Variants in NRG1 observed in about 807,000 individuals in gnomAD.
NRG1 encodes the protein neuregulin 1, also known as pro-neuregulin-1, membrane-bound isoform.
In NRG1, 18 loss-of-function variants were observed where a neutral mutation model predicts 63.8. The ratio of observed to expected loss-of-function variants is 0.28; its 90% CI spans 0.19 to 0.42. The LOEUF (loss-of-function observed/expected upper bound fraction) is 0.42, where lower values mean the gene tolerates loss of function less well. NRG1 is among the 10% of genes least tolerant of loss of function. The pLI is 1.00. For synonymous variants in NRG1, 302 were observed against 301.3 expected (o/e 1.00, Z -0.02); for missense variants, 762 against 814.7 (o/e 0.94, Z 0.79).
At chr8:31,651,761 C>T (rs918715096) in intron 1 of NRG1, among the ~76,000 whole-genome samples, 2 of 151,970 alleles carry the variant, frequency 1.3e-5, no homozygotes, top group Non-Finnish European at 2.9e-5. Flanking sequence ...GCAGGATGGG[C>T]AGGGCTTAGC....
At chr8:32,385,736 C>T (rs1358573647) in intron 1 of NRG1, among the ~76,000 whole-genome samples, 1 of 152,084 alleles carries the variant, frequency 6.6e-6, no homozygotes, top group Non-Finnish European at 1.5e-5. Context: ...CAGGCCCCAT[C>T]TTCAACACTG....
chr8:32,758,350 A>G (rs953329604), intron 9 of NRG1, among the ~76,000 whole-genome samples: 3 of 152,006 alleles, frequency 2.0e-5, no homozygotes, highest in African/African-American at 4.8e-5. Flanking sequence ...GCAGAGGTGG[A>G]CGGATCACCT....
intron 1 of NRG1, among the ~76,000 whole-genome samples, chr8:32,167,527 T>G (rs1395215078): frequency 6.6e-6 from 1 of 152,194 alleles, no homozygotes; most frequent in Non-Finnish European, 1.5e-5. Flanking sequence ...AACCCTCCAC[T>G]GGTTGATATT....
chr8:32,466,967 C>T (rs193096767), intron 1 of NRG1, among the ~76,000 whole-genome samples: 81 of 152,100 alleles, frequency 5.3e-4, no homozygotes, highest in Admixed American at 1.1e-3. Context: ...TAAAAGCACA[C>T]ACAGCAACCC....
At chr8:31,896,252 T>A (rs1048858116) in intron 1 of NRG1, among the ~76,000 whole-genome samples, 13 of 152,198 alleles carry the variant, frequency 8.5e-5, no homozygotes, top group South Asian at 2.1e-4. Context: ...ACCTTTTCAT[T>A]CATGTTTTAT....
intron 1 of NRG1, among the ~76,000 whole-genome samples, chr8:32,114,162 G>C (rs1284376553): frequency 6.6e-6 from 1 of 152,226 alleles, no homozygotes; most frequent in Non-Finnish European, 1.5e-5. Flanking sequence ...TGAGTCACCA[G>C]CCTTGGCTGA....
chr8:32,371,244 G>T (rs1475519984), intron 1 of NRG1, among the ~76,000 whole-genome samples: 3 of 152,122 alleles, frequency 2.0e-5, no homozygotes, highest in Admixed American at 6.6e-5. Flanking sequence ...GAAAAGGGAT[G>T]CTTTGTGGAA....
At position 31,987,318 on chromosome 8, in the gene NRG1, A is replaced by ATGTGTGTGTG. The variant is rs775800534; in HGVS notation, c.37+347888_37+347889insGTGTGTGTGT. Among the ~76,000 whole-genome samples, 34 of 75,218 alleles carry ATGTGTGTGTG rather than the reference A, an allele frequency of 4.5e-4. 1 individual carries two copies. The highest frequency in any genetic ancestry group is 1.7e-3 in the African/African-American group (33 of 19,534). 49.3% of individuals were successfully genotyped at this position (75,218 alleles called of 152,430 possible). Reference sequence around the variant, plus strand: ...TCTCAAAAAAAAAAAAAAAACATATATATGTGTGTGTGTGTGTGTGTGTGT... The same window carrying ATGTGTGTGTG: ...TCTCAAAAAAAAAAAAAAAACATATATGTGTGTGTGTATGTGTGTGTGTGTGTGTGTGTGT... On this transcript the variant is annotated intron_variant, in intron 1 of 10. Transcript: ENST00000519301.
chr8:32,683,597 C>G (rs1809290839), intron 5 of NRG1, among the ~76,000 whole-genome samples: 1 of 152,124 alleles, frequency 6.6e-6, no homozygotes, highest in Non-Finnish European at 1.5e-5. Context: ...GCAATTCTGC[C>G]AGGAGAAGGG....
At position 32,229,710 on chromosome 8, in the gene NRG1, C is replaced by T. The variant is rs181679015; in HGVS notation, c.38-366118C>T. Among the ~76,000 whole-genome samples, 15 of 152,242 alleles carry T rather than the reference C, an allele frequency of 9.9e-5. No individual in the cohort carries two copies. In the East Asian group the frequency reaches 2.5e-3, roughly 25 times the overall value. The stretch of plus-strand genomic sequence containing the variant: ...TTTTCTTCTTAAGATCCTAAAAGCA[C>T]CATTTTCCCTTTGCTAACAAGACAG... On this transcript the variant is annotated intron_variant, in intron 1 of 10. Transcript: ENST00000519301.
chr8:31,703,426 A>C, intron 1 of NRG1, among the ~76,000 whole-genome samples: 1 of 151,974 alleles, frequency 6.6e-6, no homozygotes, highest in East Asian at 1.9e-4. Flanking sequence ...ATTAAAGCTC[A>C]CTTAAAACTA....
chr8:32,073,180 G>A lies in NRG1; in HGVS notation c.37+433749G>A, dbSNP rs572012880. Among the ~76,000 whole-genome samples, 7 of 152,192 alleles carry A rather than the reference G, an allele frequency of 4.6e-5. No homozygotes were observed. In the South Asian group the frequency reaches 1.5e-3, roughly 32 times the overall value. ...TCCATTCCTGCCCTTTGGGTGTTCC[G>A]CGTCATTCACTATCTTGTCATTACA... On this transcript the variant is annotated intron_variant, in intron 1 of 10. Coordinates refer to the NRG1 transcript ENST00000519301.
chr8:32,121,144 A>G (rs972700500), intron 1 of NRG1, among the ~76,000 whole-genome samples: 2 of 152,090 alleles, frequency 1.3e-5, no homozygotes, highest in African/African-American at 4.8e-5. Flanking sequence ...TAGTCATTGC[A>G]TAGTCTTTTC....
chr8:32,764,801 A>G, exon 12 of NRG1: 1 of 161,148 alleles, frequency 6.2e-6, no homozygotes, highest in Non-Finnish European at 1.4e-5. Context: ...TTGTAGTAGC[A>G]CCCGATCAGT....
chr8:32,082,650 A>G (rs377471482), intron 1 of NRG1, among the ~76,000 whole-genome samples: 21 of 152,266 alleles, frequency 1.4e-4, no homozygotes, highest in African/African-American at 4.1e-4. Flanking sequence ...TCAGTCCTCA[A>G]TCTGGCAAGA....
chr8:32,610,511 T>G (rs1846193705), intron 3 of NRG1, among the ~76,000 whole-genome samples: 1 of 152,172 alleles, frequency 6.6e-6, no homozygotes, highest in Admixed American at 6.6e-5. Context: ...CTATCTGGAT[T>G]AGTGACTAAA....
intron 1 of NRG1, among the ~76,000 whole-genome samples, chr8:31,987,486 G>A (rs1810289600): frequency 6.6e-6 from 1 of 151,706 alleles, no homozygotes; most frequent in Admixed American, 6.6e-5. Flanking sequence ...GTAAATTGAG[G>A]CAGAAAAAGA....
At chr8:32,100,989 G>A (rs995877598) in intron 1 of NRG1, among the ~76,000 whole-genome samples, 1 of 151,790 alleles carries the variant, frequency 6.6e-6, no homozygotes, top group African/African-American at 2.4e-5. Context: ...GCAAAGGACA[G>A]GTCTGCTTAT....
At chr8:32,236,403 G>T (rs528763504) in intron 1 of NRG1, among the ~76,000 whole-genome samples, 35 of 152,120 alleles carry the variant, frequency 2.3e-4, no homozygotes, top group African/African-American at 8.0e-4. Flanking sequence ...CTCTAGAAAC[G>T]TGAAAAATAA....
Sources: allele counts gnomAD v4.1 joint callset (sites outside exome capture counted in the v4.1 genomes callset), GRCh38; gene constraint gnomAD v4.1.1; transcripts MANE v1.5; gene names NCBI Gene and HGNC (gene_info 2026-07-23, HGNC 2026-07-21).